KRT7: variants seen among roughly 807,000 people sequenced by gnomAD.
KRT7 encodes the protein keratin, type II cytoskeletal 7.
Under a neutral mutation model 42.8 loss-of-function variants are expected in KRT7, and 50 were observed. That is an observed-to-expected ratio of 1.17 (90% CI 0.93 to 1.48). KRT7 has a LOEUF of 1.48. Among genes scored for constraint, KRT7 ranks in the 40% most tolerant of loss-of-function variants. The pLI, the probability that KRT7 is intolerant of heterozygous loss-of-function variation, is 0.00. For missense variants in KRT7, 588 were observed against 637.6 expected (o/e 0.92, Z 0.84); for synonymous variants, 268 against 266.3 (o/e 1.01, Z -0.06).
chr12:52,233,739 T>G (rs1941959828), intron 1 of KRT7, 119 bp downstream of exon 1: 1 of 1,000,332 alleles, frequency 1.0e-6, no homozygotes, highest in Non-Finnish European at 1.6e-6. Flanking sequence ...CTTCTGTCTT[T>G]CCGCCAGTGT....
At chr12:52,246,314 C>T (rs1182336031) in intron 7 of KRT7, 1 of 152,222 alleles carries the variant, frequency 6.6e-6, no homozygotes, top group Non-Finnish European at 1.5e-5. Context: ...GACACCATGG[C>T]AACAGAGAAT....
intron 2 of KRT7, 114 bp downstream of exon 2, chr12:52,235,480 C>T: frequency 1.2e-6 from 1 of 842,330 alleles, no homozygotes; most frequent in Non-Finnish European, 1.8e-6. Context: ...CTGCTCAGTC[C>T]AATAACTCCC....
intron 7 of KRT7, chr12:52,246,008 G>A (rs764878584): frequency 1.8e-4 from 41 of 232,124 alleles, no homozygotes; most frequent in Non-Finnish European, 2.7e-4. Flanking sequence ...TAGGGCCAGA[G>A]TGCAGTCAGG....
chr12:52,240,466 C>T (rs1453283664), intron 4 of KRT7, among the ~76,000 whole-genome samples: 1 of 151,852 alleles, frequency 6.6e-6, no homozygotes, highest in Non-Finnish European at 1.5e-5. Flanking sequence ...CCCGTGTCTA[C>T]TAAAAATACA....
chr12:52,248,519 G>A (rs549757720), intron 8 of KRT7, 72 bp from the exon 9 acceptor site: 288 of 1,415,296 alleles, frequency 2.0e-4, no homozygotes, highest in Non-Finnish European at 2.7e-4. Flanking sequence ...AGGAGGGTGG[G>A]GTGCAGTGAA....
downstream of KRT7, among the ~76,000 whole-genome samples, chr12:52,249,588 TG>T (rs553212709): frequency 7.2e-5 from 11 of 152,232 alleles, no homozygotes; most frequent in East Asian, 1.9e-3. Flanking sequence ...CAGTGCTTGA[TG>T]GGGGCTTCTA....
chr12:52,234,127 A>AGC (rs1555181950), intron 1 of KRT7, among the ~76,000 whole-genome samples: 9 of 82,828 alleles, frequency 1.1e-4, no homozygotes, highest in African/African-American at 3.4e-4. Context: ...GGGGCGGGGG[A>AGC]GGGGGGGGGG....
At chr12:52,250,624 C>G (rs1942250737), downstream of KRT7, 10 of 921,424 alleles carry the variant, frequency 1.1e-5, no homozygotes, top group Admixed American at 2.0e-5. Context: ...AAGACCCCGC[C>G]GCGAGAGCTG....
At chr12:52,252,133 C>G (rs1213002478), downstream of KRT7, 1 of 1,211,696 alleles carries the variant, frequency 8.3e-7, no homozygotes, top group Non-Finnish European at 1.2e-6. Context: ...CCTGCAAATT[C>G]TCTCCTCCAA....
At chr12:52,252,026 C>G, downstream of KRT7, 1 of 704,720 alleles carries the variant, frequency 1.4e-6, no homozygotes, top group South Asian at 1.5e-5. Flanking sequence ...GGATTACTTA[C>G]AGACATTTAC....
downstream of KRT7, chr12:52,250,564 A>C (rs1056330385): frequency 3.2e-6 from 4 of 1,253,580 alleles, no homozygotes; most frequent in Non-Finnish European, 4.5e-6. Flanking sequence ...GGGGCACTGC[A>C]GACGCTGCCC....
downstream of KRT7, chr12:52,253,340 T>A: frequency 6.2e-7 from 1 of 1,612,722 alleles, no homozygotes; most frequent in East Asian, 2.2e-5. Flanking sequence ...CTCCTCACAC[T>A]GGGGAAGTAG....
chr12:52,245,152 C>T (rs1565721324), intron 6 of KRT7: 2 of 558,018 alleles, frequency 3.6e-6, no homozygotes, highest in Middle Eastern at 4.6e-4. Flanking sequence ...CTGATGTTCT[C>T]TTAGAAAAGA....
intron 3 of KRT7, among the ~76,000 whole-genome samples, chr12:52,238,054 C>G (rs987001408): frequency 6.6e-6 from 1 of 152,138 alleles, no homozygotes; most frequent in African/African-American, 2.4e-5. Flanking sequence ...ATACACTGAG[C>G]AGTTGGTGTT....
chr12:52,247,969 A>AT (rs1942201028), intron 7 of KRT7: 2 of 593,854 alleles, frequency 3.4e-6, no homozygotes, highest in Admixed American at 5.7e-5. Context: ...GCCTGGGGTC[A>AT]GGTGGCCAGT....
chr12:52,251,569 A>G (rs1312767101), downstream of KRT7, among the ~76,000 whole-genome samples: 1 of 152,234 alleles, frequency 6.6e-6, no homozygotes, highest in East Asian at 1.9e-4. Flanking sequence ...TGTACTGAAG[A>G]CTAAAGGCAA....
At chr12:52,255,794 T>A (rs1362801350), downstream of KRT7, among the ~76,000 whole-genome samples, 1 of 152,140 alleles carries the variant, frequency 6.6e-6, no homozygotes, top group African/African-American at 2.4e-5. Context: ...ACCTACAACA[T>A]TGAGTAGATG....
intron 2 of KRT7, 55 bp downstream of exon 2, chr12:52,235,421 C>T (rs1942000301): frequency 1.4e-6 from 2 of 1,464,208 alleles, no homozygotes. Flanking sequence ...ATGTGACCCT[C>T]ATGAGCTGAC....
intron 6 of KRT7, chr12:52,243,501 C>G: frequency 5.1e-6 from 1 of 196,896 alleles, no homozygotes; most frequent in Non-Finnish European, 1.0e-5. Context: ...CAGCAGAAGA[C>G]CTTATAATGA....
Sources: allele counts gnomAD v4.1 joint callset (sites outside exome capture counted in the v4.1 genomes callset), GRCh38; gene constraint gnomAD v4.1.1; transcripts MANE v1.5; gene names NCBI Gene and HGNC (gene_info 2026-07-23, HGNC 2026-07-21).